The following TBC1D10B variants were observed in gnomAD, a reference collection of about 807,000 sequenced individuals.
The protein encoded by TBC1D10B is TBC1 domain family member 10B, also known as Rab27A-GAPbeta.
A neutral mutation model predicts 78.4 loss-of-function variants in TBC1D10B; 25 were observed. That is an observed-to-expected ratio of 0.32 (90% CI 0.23 to 0.45). The LOEUF (loss-of-function observed/expected upper bound fraction) is 0.45. Ranked by LOEUF, TBC1D10B falls within the 20% of genes least tolerant of loss-of-function variation. The probability of loss-of-function intolerance (pLI) is 1.00; values close to 1 mark genes in which losing one functional copy is unlikely to be tolerated. For synonymous variants in TBC1D10B, 517 were observed against 478.0 expected (o/e 1.08, Z -1.06); for missense variants, 996 against 1,104.8 (o/e 0.90, Z 1.40).
Position 30,358,045 on chromosome 16 carries a change from C to G in TBC1D10B, c.2326G>C (p.Gly776Arg), listed in dbSNP as rs1347103086. The stretch of plus-strand genomic sequence containing the variant: ...TTTCGACGCAGCGAAAGCTTCCGGC[C>G]TTGAGCCTTCTTCTCCTGCTTCTGC... ...ERQKQEKKAQGRKLSLRRKAD... is the reference protein window; with the variant it reads ...ERQKQEKKAQRRKLSLRRKAD... The change falls in exon 9 of 9, where the codon GGC (glycine) becomes CGC (arginine). Residue 776 changes from glycine (G) to arginine (R), a missense_variant. By Grantham distance (125) the Gly-to-Arg change is moderately radical. Around this residue, in one of 5 missense-constraint regions of TBC1D10B, gnomAD observed 285 missense variants for 252.5 expected, o/e 1.13. Transcript: ENST00000409939. The G allele has an allele frequency of 1.3e-6, 2 of 1,551,736 alleles. No homozygotes were observed. Among genetic ancestry groups the G allele is most frequent in the Admixed American group, 2.0e-5 (1 of 50,996 alleles).
At position 30,357,141 on chromosome 16, in the gene TBC1D10B, G is replaced by C. The variant is rs1013006589; in HGVS notation, c.*803C>G. The C allele has an allele frequency of 6.5e-6, 1 of 152,976 alleles. No homozygotes were observed. Among genetic ancestry groups the C allele is most frequent in the African/African-American group, 2.4e-5 (1 of 41,408 alleles). 9.5% of individuals were successfully genotyped at this position (152,976 alleles called of 1,614,324 possible). On this transcript the variant is annotated 3_prime_UTR_variant, in exon 9 of 9. Coordinates refer to ENST00000409939, the MANE Select transcript of TBC1D10B (RefSeq NM_015527.4). The stretch of plus-strand genomic sequence containing the variant: ...AGGTTCTTTTCCAATTCCTCAAAGC[G>C]CTGCATGGGGTGGGGGCAGAGACAG...
chr16:30,362,764 A>C (rs2049607494), intron 4 of TBC1D10B, among the ~76,000 whole-genome samples: 1 of 152,210 alleles, frequency 6.6e-6, no homozygotes, highest in Non-Finnish European at 1.5e-5. Flanking sequence ...CCTGCCGGGC[A>C]TGGAGACTCA....
At chr16:30,359,923 GT>G in intron 4 of TBC1D10B, 82 bp from the exon 5 acceptor site, 2 of 1,254,188 alleles carry the variant, frequency 1.6e-6, no homozygotes, top group Non-Finnish European at 2.2e-6. Context: ...TCGTCCCAGA[GT>G]TTATCACCAG....
At chr16:30,358,982 G>A in intron 7 of TBC1D10B, 165 bp from the exon 8 acceptor site, 1 of 1,199,440 alleles carries the variant, frequency 8.3e-7, no homozygotes, top group South Asian at 1.6e-5. Flanking sequence ...CAGGATCTTG[G>A]CAGGGAGAGC....
chr16:30,357,796 A>T lies in TBC1D10B; in HGVS notation c.*148T>A. On this transcript the variant is annotated 3_prime_UTR_variant, in exon 9 of 9. Coordinates refer to ENST00000409939, the MANE Select transcript of TBC1D10B (RefSeq NM_015527.4). ...GCCCATCTGTCCTGCCCGTGTAGGG[A>T]TCAGCAGCTGGCGAGGAGATGGGGA... 9.1e-7 allele frequency: 1 copy of T among 1,103,116 alleles called. No individual in the cohort carries two copies. Among genetic ancestry groups the T allele is most frequent in the Non-Finnish European group, 1.3e-6 (1 of 794,510 alleles). The allele number at this position is 1,103,116 out of a possible 1,614,324, so 68.3% of individuals were successfully genotyped here.
chr16:30,361,648 G>A (rs955265486), intron 4 of TBC1D10B, among the ~76,000 whole-genome samples: 11 of 151,692 alleles, frequency 7.3e-5, no homozygotes, highest in Admixed American at 1.3e-4. Context: ...CAGGTGATCC[G>A]CCTGCCTCAG....
chr16:30,357,773 C>T lies in TBC1D10B; in HGVS notation c.*171G>A. ...AGGCTCCAGACTCATTTGCAGCTGC[C>T]CATCTGTCCTGCCCGTGTAGGGATC... On this transcript the variant is annotated 3_prime_UTR_variant, in exon 9 of 9. Coordinates refer to ENST00000409939, the MANE Select transcript of TBC1D10B (RefSeq NM_015527.4). 1.1e-6 allele frequency: 1 copy of T among 890,194 alleles called. No homozygotes were observed. The highest frequency in any genetic ancestry group is 1.8e-5 in the South Asian group (1 of 54,718). 55.1% of individuals were successfully genotyped at this position (890,194 alleles called of 1,614,324 possible).
At chr16:30,368,980 G>C (rs2049660152) in intron 1 of TBC1D10B, among the ~76,000 whole-genome samples, 1 of 152,176 alleles carries the variant, frequency 6.6e-6, no homozygotes, top group South Asian at 2.1e-4. Flanking sequence ...CTAGCTCAAG[G>C]GCACACAACC....
rs769837412 is a variant in TBC1D10B at position 30,369,686 on chromosome 16, G to A, written c.498C>T (p.Thr166=). 1.3e-6 allele frequency: 2 copies of A among 1,528,930 alleles called. No homozygotes were observed. The highest frequency in any genetic ancestry group is 1.2e-5 in the South Asian group (1 of 81,070). 94.7% of individuals were successfully genotyped at this position (1,528,930 alleles called of 1,614,324 possible). Residue 166 remains threonine, a synonymous_variant, in exon 1 of 9, where the codon ACC becomes ACT. Coordinates refer to ENST00000409939, the MANE Select transcript of TBC1D10B (RefSeq NM_015527.4). This position sits in a 1 kb window ranked among gnomAD's most constrained non-coding sequence, Gnocchi z 4.3. ...GCTTGGGGGCAAGCGGGGGTTTGGC[G>A]GTCAGGGCACCAGGAGCCGTTCTGG... ...TPSRTAPGAL[T]AKPPLAPKPG...
intron 1 of TBC1D10B, among the ~76,000 whole-genome samples, chr16:30,368,796 G>C (rs2049657506): frequency 2.0e-5 from 3 of 152,074 alleles, no homozygotes. Context: ...CCCCTCCCAG[G>C]CTATCCACCC....
In TBC1D10B at chr16:30,358,665, C is replaced by G. The variant is rs781359806; in HGVS notation, c.1795G>C (p.Glu599Gln). 6.2e-7 allele frequency: 1 copy of G among 1,603,390 alleles called. No individual in the cohort carries two copies. Among genetic ancestry groups the G allele is most frequent in the Non-Finnish European group, 8.5e-7 (1 of 1,172,450 alleles). The change falls in exon 8 of 9, where the codon GAG (glutamate) becomes CAG (glutamine). Residue 599 changes from glutamate (E) to glutamine (Q), a missense_variant and splice_region_variant. By Grantham distance (29) the Glu-to-Gln change is conservative. Around this residue, in one of 5 missense-constraint regions of TBC1D10B, gnomAD observed 168 missense variants for 238.7 expected, o/e 0.70. Coordinates refer to ENST00000409939, the MANE Select transcript of TBC1D10B (RefSeq NM_015527.4). Reference protein sequence around the residue: ...QCMQEDFLVHEVTNLPVTEAL... With the variant: ...QCMQEDFLVHQVTNLPVTEAL... ...CTGCGTTGAGGGCACAGGCCTACCT[C>G]ATGCACCAGGAAGTCTTCCTGCATG...
chr16:30,357,586 A>T lies in TBC1D10B; in HGVS notation c.*358T>A. On this transcript the variant is annotated 3_prime_UTR_variant, in exon 9 of 9. Coordinates refer to ENST00000409939, the MANE Select transcript of TBC1D10B (RefSeq NM_015527.4). ...AAGGAAGCCAGCTCCACCTCATGGTAAGGGGAGCTATGGAGTGTAAGAATC... is the reference window on the plus strand; with the variant it reads ...AAGGAAGCCAGCTCCACCTCATGGTTAGGGGAGCTATGGAGTGTAAGAATC... The T allele has an allele frequency of 3.6e-6, 1 of 280,340 alleles. No individual in the cohort carries two copies. Among genetic ancestry groups the T allele is most frequent in the South Asian group, 7.5e-5 (1 of 13,284 alleles). 17.4% of individuals were successfully genotyped at this position (280,340 alleles called of 1,614,324 possible).
chr16:30,363,020 G>C (rs191669280), intron 4 of TBC1D10B, among the ~76,000 whole-genome samples: 3 of 152,334 alleles, frequency 2.0e-5, no homozygotes, highest in East Asian at 1.9e-4. Flanking sequence ...CTGGGCGACA[G>C]AGCGAGACTC....
In TBC1D10B at chr16:30,359,871, A is replaced by G. The variant is rs1039664962; in HGVS notation, c.1272-30T>C. 17 of 1,532,288 alleles carry G rather than the reference A, an allele frequency of 1.1e-5. No homozygotes were observed. The African/African-American group carries it at 1.7e-4, about 15-fold the overall frequency. The allele number at this position is 1,532,288 out of a possible 1,614,324, so 94.9% of individuals were successfully genotyped here. ...GGGGGTTGGGGAAGACTGTGAGGGCAGTCACGGGCTGAGAGCTCTGTCCCC... is the reference window on the plus strand; with the variant it reads ...GGGGGTTGGGGAAGACTGTGAGGGCGGTCACGGGCTGAGAGCTCTGTCCCC... On this transcript the variant is annotated intron_variant, in intron 4 of 8. Coordinates refer to ENST00000409939, the MANE Select transcript of TBC1D10B (RefSeq NM_015527.4).
At chr16:30,364,856 C>T in intron 4 of TBC1D10B, 44 bp downstream of exon 4, 1 of 1,543,350 alleles carries the variant, frequency 6.5e-7, no homozygotes, top group Non-Finnish European at 8.8e-7. Flanking sequence ...GTGGATCCTC[C>T]AGCCAATGTT....
chr16:30,357,835 C>G lies in TBC1D10B; in HGVS notation c.*109G>C, dbSNP rs1044117370. ...AGGAGATGGGGAACCAAGCCACTTT[C>G]CCCAGCAAGGGACAGCCTGACAAGG... On this transcript the variant is annotated 3_prime_UTR_variant, in exon 9 of 9. Coordinates refer to ENST00000409939, the MANE Select transcript of TBC1D10B (RefSeq NM_015527.4). 1.2e-5 allele frequency: 17 copies of G among 1,419,846 alleles called. No individual in the cohort carries two copies. Among genetic ancestry groups the G allele is most frequent in the East Asian group, 2.5e-5 (1 of 40,092 alleles). The allele number at this position is 1,419,846 out of a possible 1,614,324, so 88.0% of individuals were successfully genotyped here. A position where few individuals can be genotyped will look rare whatever the true frequency, so the allele number is the denominator to read the frequency against.
rs2049579129 is a variant in TBC1D10B at position 30,358,829 on chromosome 16, GAGAGT to G, written c.1643-17_1643-13del. The G allele has an allele frequency of 6.3e-7, 1 of 1,598,118 alleles. No individual in the cohort carries two copies. Among genetic ancestry groups the G allele is most frequent in the Non-Finnish European group, 8.5e-7 (1 of 1,172,264 alleles). On this transcript the variant is annotated splice_polypyrimidine_tract_variant and intron_variant, in intron 7 of 8. Coordinates refer to ENST00000409939, the MANE Select transcript of TBC1D10B (RefSeq NM_015527.4). ...GATGATCTTAACGCCTGCAGGGGTG[GAGAGT>G]AGAGAGCATGGGGTGGTCAGACCCA...
rs150663146 is a variant in TBC1D10B at position 30,358,072 on chromosome 16, G to C, written c.2299C>G (p.Arg767Gly). 6.4e-7 allele frequency: 1 copy of C among 1,551,366 alleles called. No homozygotes were observed. Among genetic ancestry groups the C allele is most frequent in the Non-Finnish European group, 8.7e-7 (1 of 1,146,454 alleles). Residue 767 changes from arginine to glycine, a missense_variant, in exon 9 of 9, where the codon CGG (arginine) becomes GGG (glycine). By Grantham distance (125) the Arg-to-Gly change is moderately radical (BLOSUM62 -2). Coordinates refer to ENST00000409939, the MANE Select transcript of TBC1D10B (RefSeq NM_015527.4). ...EKEREKQEKE[R>G]QKQEKKAQGR... ...TGAGCCTTCTTCTCCTGCTTCTGCC[G>C]CTCCTTCTCCTGCTTCTCTCGCTCC...
rs935661056 is a variant in TBC1D10B, at chr16:30,358,157, C to T, written c.2214G>A (p.Gln738=). The change falls in exon 9 of 9, where the codon CAG becomes CAA. Residue 738 remains glutamine, a synonymous_variant. Coordinates refer to ENST00000409939, the MANE Select transcript of TBC1D10B (RefSeq NM_015527.4). ...RQKQEKERQK[Q]EKEREKERQK... is the part of the protein sequence containing the mutation. ...GCCGCTCCTTCTCCCGCTCCTTCTC[C>T]TGTTTCTGCCGCTCCTTCTCCTGTT... The T allele has an allele frequency of 1.7e-5, 27 of 1,549,746 alleles. 1 individual carries two copies. In the South Asian group the frequency reaches 3.1e-4, roughly 18 times the overall value.
Sources: allele counts gnomAD v4.1 joint callset (sites outside exome capture counted in the v4.1 genomes callset), GRCh38; gene constraint gnomAD v4.1.1; regional missense constraint gnomAD v4.1.1; non-coding constraint Gnocchi (gnomAD v3.1); transcripts MANE v1.5; gene names NCBI Gene and HGNC (gene_info 2026-07-23, HGNC 2026-07-21).